Variants in RAB38 observed in about 807,000 individuals in gnomAD.
The protein encoded by RAB38 is RAB38, member RAS oncogene family, also known as ras-related protein Rab-38.
RAB38 carries 15 observed loss-of-function variants against 18.4 expected under a neutral mutation model. The observed-to-expected ratio is 0.82, with a 90% CI of 0.55 to 1.26. The LOEUF is 1.26. Ranked by LOEUF, RAB38 falls within the 50% of genes most tolerant of loss-of-function variation. The probability of loss-of-function intolerance (pLI) is 0.00; values close to 1 mark genes in which losing one functional copy is unlikely to be tolerated. For missense variants in RAB38, 294 were observed against 267.4 expected, an observed-to-expected ratio of 1.10 and a Z score of -0.69; for synonymous variants, 101 against 104.4, an observed-to-expected ratio of 0.97 and a Z score of 0.20.
At chr11:88,018,928 A>G in the RAB38 span, among the ~76,000 whole-genome samples, 1 of 151,804 alleles carries the variant, frequency 6.6e-6, no homozygotes, top group Middle Eastern at 3.4e-3. Context: ...CAACATTGAT[A>G]TACTCAATTA....
At chr11:87,972,812 T>C in the RAB38 span, among the ~76,000 whole-genome samples, 5 of 152,062 alleles carry the variant, frequency 3.3e-5, no homozygotes, top group Non-Finnish European at 1.5e-5. Context: ...TGGACTTGTG[T>C]CCCCACTCAA....
the RAB38 span, among the ~76,000 whole-genome samples, chr11:87,916,247 G>A: frequency 0.094 from 14,299 of 151,994 alleles, 1,561 homozygotes; most frequent in African/African-American, 0.27. Context: ...ACTGGTTTAT[G>A]TATGGTTTTT....
intron 2 of RAB38, among the ~76,000 whole-genome samples, chr11:88,141,383 G>A (rs1270230342): frequency 6.6e-6 from 1 of 152,056 alleles, no homozygotes; most frequent in Admixed American, 6.5e-5. Flanking sequence ...GCCTTGCACA[G>A]TACACACACT....
the RAB38 span, among the ~76,000 whole-genome samples, chr11:88,019,053 C>G: frequency 6.6e-6 from 1 of 151,762 alleles, no homozygotes; most frequent in East Asian, 1.9e-4. Flanking sequence ...TTATTTTTAT[C>G]TTCTAAAAAA....
At chr11:87,805,840 A>G in the RAB38 span, among the ~76,000 whole-genome samples, 1 of 152,166 alleles carries the variant, frequency 6.6e-6, no homozygotes, top group Non-Finnish European at 1.5e-5. Flanking sequence ...GCTGCAGTTC[A>G]GGTCAAAAGG....
At chr11:87,850,714 C>CCACACA in the RAB38 span, among the ~76,000 whole-genome samples, 5,515 of 146,462 alleles carry the variant, frequency 0.038, 129 homozygotes, top group Non-Finnish European at 0.053. Context: ...CACAACACTG[C>CCACACA]CACACACACA....
At chr11:87,893,390 A>ATATATATATATATATTTTTTT in the RAB38 span, among the ~76,000 whole-genome samples, 1,381 of 93,876 alleles carry the variant, frequency 0.015, 18 homozygotes, top group Middle Eastern at 0.027. Context: ...ATATATATAT[A>ATATATATATATATATTTTTTT]TTTTTTTTTT....
chr11:87,807,487 A>G, the RAB38 span, among the ~76,000 whole-genome samples: 1 of 152,348 alleles, frequency 6.6e-6, no homozygotes, highest in African/African-American at 2.4e-5. Context: ...ATCTATAAAT[A>G]TCTCAAGGGT....
intron 2 of RAB38, chr11:88,115,774 C>G (rs1483025342): frequency 6.6e-6 from 1 of 152,186 alleles, no homozygotes; most frequent in East Asian, 1.9e-4. Context: ...CTTCCCTTGA[C>G]AGAGTGCAGC....
the RAB38 span, among the ~76,000 whole-genome samples, chr11:87,971,660 G>C: frequency 6.6e-6 from 1 of 152,152 alleles, no homozygotes; most frequent in Non-Finnish European, 1.5e-5. Context: ...TGAAAGGCAA[G>C]AGATGCTGAT....
chr11:88,124,725 T>A (rs189919098), intron 2 of RAB38, among the ~76,000 whole-genome samples: 10 of 152,330 alleles, frequency 6.6e-5, no homozygotes, highest in Admixed American at 5.9e-4. Flanking sequence ...TACTTTCAGA[T>A]ATGGAATAAA....
Position 88,175,407 on chromosome 11 carries a change from C to A in RAB38, c.-23G>T, listed in dbSNP as rs371871949. On this transcript the variant is annotated 5_prime_UTR_variant, in exon 1 of 3. Transcript: ENST00000243662. Reference sequence around the variant, plus strand: ...CATCCTGGCGGCCGGCCAGACGTGCCGTGCCTGACCAGGGAAGCGCAGCCT... The same window carrying A: ...CATCCTGGCGGCCGGCCAGACGTGCAGTGCCTGACCAGGGAAGCGCAGCCT... 4.5e-5 allele frequency: 70 copies of A among 1,552,184 alleles called. No homozygotes were observed. In the Middle Eastern group the frequency reaches 5.2e-4, roughly 12 times the overall value.
At chr11:88,127,292 A>G (rs374291798) in intron 2 of RAB38, among the ~76,000 whole-genome samples, 19 of 152,208 alleles carry the variant, frequency 1.2e-4, no homozygotes, top group Admixed American at 8.5e-4. Context: ...TGTATCAATT[A>G]TGTGTGAATG....
At chr11:87,900,519 T>C in the RAB38 span, among the ~76,000 whole-genome samples, 3 of 151,636 alleles carry the variant, frequency 2.0e-5, no homozygotes, top group African/African-American at 7.3e-5. Context: ...GTTTCTTCTT[T>C]AAATACTTAT....
chr11:87,822,101 C>T, the RAB38 span, among the ~76,000 whole-genome samples: 3 of 148,452 alleles, frequency 2.0e-5, no homozygotes, highest in African/African-American at 7.5e-5. Context: ...AAAACAGGGA[C>T]TAAAATAAGA....
At chr11:88,061,166 G>T in the RAB38 span, among the ~76,000 whole-genome samples, 61 of 152,154 alleles carry the variant, frequency 4.0e-4, no homozygotes, top group Non-Finnish European at 6.6e-4. Context: ...TACTGATTTT[G>T]CCAGTGAGGA....
the RAB38 span, among the ~76,000 whole-genome samples, chr11:88,086,502 G>A: frequency 1.3e-5 from 2 of 151,918 alleles, no homozygotes; most frequent in African/African-American, 4.8e-5. Flanking sequence ...AATTACGCTG[G>A]TGATGGATTG....
the RAB38 span, among the ~76,000 whole-genome samples, chr11:87,917,529 GTTTTT>G: frequency 1.4e-5 from 1 of 73,236 alleles, no homozygotes. Flanking sequence ...TCACTGAAGT[GTTTTT>G]TTTTTTTTTT....
At chr11:87,940,695 G>A in the RAB38 span, among the ~76,000 whole-genome samples, 1 of 152,114 alleles carries the variant, frequency 6.6e-6, no homozygotes. Context: ...CCAGACTAGA[G>A]TGTAGTGGTG....
Sources: allele counts gnomAD v4.1 joint callset (sites outside exome capture counted in the v4.1 genomes callset), GRCh38; gene constraint gnomAD v4.1.1; transcripts MANE v1.5; gene names NCBI Gene and HGNC (gene_info 2026-07-23, HGNC 2026-07-21).